RBM41: variants seen among roughly 807,000 people sequenced by gnomAD.
RBM41 encodes the protein RNA-binding protein 41.
A neutral mutation model predicts 30.8 loss-of-function variants in RBM41; 14 were observed. That is an observed-to-expected ratio of 0.45 (90% CI 0.30 to 0.71). The LOEUF is 0.71. RBM41 is among the 30% of genes least tolerant of loss of function. The pLI is 0.08. For synonymous variants in RBM41, 120 were observed against 110.1 expected, an observed-to-expected ratio of 1.09 and a Z score of -0.56; for missense variants, 276 against 326.3, an observed-to-expected ratio of 0.85 and a Z score of 1.19.
At position 107,115,400 on chromosome X, in the gene RBM41, A is replaced by G; in HGVS notation, c.475T>C (p.Phe159Leu). Residue 159 changes from phenylalanine (F) to leucine (L), a missense_variant, in exon 4 of 8, where the codon TTT (phenylalanine) becomes CTT (leucine). Physicochemically the swap from Phe to Leu is conservative, Grantham distance 22. Coordinates refer to ENST00000685964, the MANE Select transcript of RBM41 (RefSeq NM_001324242.2). The part of the protein sequence containing the change: ...RREMEIEKSL[F>L]QGADRHSFLK... Reference sequence around the variant, plus strand: ...AAGGAGTGACGATCAGCTCCCTGAAATAAAGACTTTTCTATTTCCATTTCT... The same window carrying G: ...AAGGAGTGACGATCAGCTCCCTGAAGTAAAGACTTTTCTATTTCCATTTCT... The G allele has an allele frequency of 8.2e-7, 1 of 1,212,124 alleles. No individual in the cohort carries two copies. The highest frequency in any genetic ancestry group is 1.1e-6 in the Non-Finnish European group (1 of 895,589).
chrX:107,074,292 A>G (rs997157077), intron 6 of RBM41, among the ~76,000 whole-genome samples: 1 of 111,279 alleles, frequency 9.0e-6, no homozygotes, highest in African/African-American at 3.3e-5. Flanking sequence ...TAAATAAAAT[A>G]ATAAATCAAG....
chrX:107,112,709 G>A (rs1924585885), intron 5 of RBM41, among the ~76,000 whole-genome samples: 3 of 111,640 alleles, frequency 2.7e-5, no homozygotes. Flanking sequence ...CAAAATAAAT[G>A]AACTATTGAT....
At chrX:107,107,634 T>C (rs1006543090) in intron 5 of RBM41, among the ~76,000 whole-genome samples, 2 of 110,893 alleles carry the variant, frequency 1.8e-5, no homozygotes, top group East Asian at 2.8e-4. Flanking sequence ...ATTAGTCTGG[T>C]TGATTTGAGT....
chrX:107,056,764 C>CCACT, the RBM41 span, among the ~76,000 whole-genome samples: 1 of 108,953 alleles, frequency 9.2e-6, no homozygotes, highest in Non-Finnish European at 1.9e-5. Flanking sequence ...TTTTTCTTAA[C>CCACT]CACTATAGGT....
At position 107,064,427 on chromosome X, in the gene RBM41, A is replaced by C. The variant is rs1424870635; in HGVS notation, c.*3100T>G. 1 of 102,231 alleles carries C rather than the reference A, an allele frequency of 9.8e-6. No individual in the cohort carries two copies. The highest frequency in any genetic ancestry group is 3.6e-5 in the African/African-American group (1 of 27,493). 8.4% of individuals were successfully genotyped at this position (102,231 alleles called of 1,213,427 possible). Reference sequence around the variant, plus strand: ...ACATTTTTTTTTTTTTTTGGTAATGACAGGGTCTTGCTGTGTTGCCCAGGC... The same window carrying C: ...ACATTTTTTTTTTTTTTTGGTAATGCCAGGGTCTTGCTGTGTTGCCCAGGC... On this transcript the variant is annotated 3_prime_UTR_variant, in exon 8 of 8. Transcript: ENST00000685964.
At chrX:107,068,230 T>C (rs1447344533) in intron 7 of RBM41, among the ~76,000 whole-genome samples, 2 of 111,045 alleles carry the variant, frequency 1.8e-5, no homozygotes, top group Non-Finnish European at 3.8e-5. Context: ...ATTCAACTTA[T>C]GGGTCTAAGA....
intron 5 of RBM41, among the ~76,000 whole-genome samples, chrX:107,094,542 T>A (rs1237013910): frequency 1.8e-5 from 2 of 112,355 alleles, no homozygotes; most frequent in East Asian, 5.6e-4. Context: ...TCAACCTGCT[T>A]ATGGTAGGCT....
chrX:107,104,359 G>C (rs1923751347), intron 5 of RBM41, among the ~76,000 whole-genome samples: 1 of 111,134 alleles, frequency 9.0e-6, no homozygotes, highest in Non-Finnish European at 1.9e-5. Flanking sequence ...AGATAGATTT[G>C]TGATAAGGCA....
chrX:107,079,096 G>T (rs938917948), intron 6 of RBM41, among the ~76,000 whole-genome samples: 1 of 111,442 alleles, frequency 9.0e-6, no homozygotes, highest in Admixed American at 9.5e-5. Context: ...AGGATGCTGT[G>T]CAAGCTCATT....
At chrX:107,075,518 T>C (rs936284320) in intron 6 of RBM41, among the ~76,000 whole-genome samples, 4 of 111,858 alleles carry the variant, frequency 3.6e-5, no homozygotes, top group African/African-American at 1.3e-4. Context: ...ATCTAAAATA[T>C]ATAAGGAACT....
intron 6 of RBM41, among the ~76,000 whole-genome samples, chrX:107,081,639 A>G (rs1463775393): frequency 1.8e-5 from 2 of 112,395 alleles, no homozygotes; most frequent in Admixed American, 9.4e-5. Flanking sequence ...TTTCAATCCA[A>G]GAACACAAAA....
intron 5 of RBM41, among the ~76,000 whole-genome samples, chrX:107,091,027 T>A (rs1602583145): frequency 9.1e-6 from 1 of 110,164 alleles, no homozygotes; most frequent in East Asian, 2.8e-4. Flanking sequence ...TTCTCATTGT[T>A]CAACTCCCAC....
In RBM41 at chrX:107,069,298, C is replaced by T; in HGVS notation, c.1104G>A (p.Met368Ile). 1 of 1,210,141 alleles carries T rather than the reference C, an allele frequency of 8.3e-7. No individual in the cohort carries two copies. The highest frequency in any genetic ancestry group is 1.1e-6 in the Non-Finnish European group (1 of 894,964). The change falls in exon 7 of 8, where the codon ATG becomes ATA. Residue 368 changes from methionine to isoleucine, a missense_variant. Physicochemically the swap from Met to Ile is conservative, Grantham distance 10. Coordinates refer to ENST00000685964, the MANE Select transcript of RBM41 (RefSeq NM_001324242.2). ...EKKGPPIQFR[M>I]MTGRMRGQAF... Reference sequence around the variant, plus strand: ...CCTGGCCCCTCATTCGTCCAGTCATCATTCGGAATTGAATTGGAGGTCCTT... The same window carrying T: ...CCTGGCCCCTCATTCGTCCAGTCATTATTCGGAATTGAATTGGAGGTCCTT...
rs749711213 is a variant in RBM41 at position 107,067,495 on chromosome X, A to G, written c.*32T>C. ...TAGATCCAAGATTCCAATTCAAGAA[A>G]GACCATCCAGGACCCACAATTTATA... On this transcript the variant is annotated 3_prime_UTR_variant, in exon 8 of 8. Coordinates refer to ENST00000685964, the MANE Select transcript of RBM41 (RefSeq NM_001324242.2). 8.8e-7 allele frequency: 1 copy of G among 1,138,155 alleles called. No individual in the cohort carries two copies. Among genetic ancestry groups the G allele is most frequent in the Non-Finnish European group, 1.2e-6 (1 of 855,579 alleles). 93.8% of individuals were successfully genotyped at this position (1,138,155 alleles called of 1,213,427 possible).
rs751173330 is a variant in RBM41 at position 107,105,490 on chromosome X, A to C, written c.595+7907T>G. Among the ~76,000 whole-genome samples, 1,043 of 108,665 alleles carry C rather than the reference A, an allele frequency of 9.6e-3. 12 individuals carry two copies. The South Asian group carries it at 0.1, about 10-fold the overall frequency. 94.4% of individuals were successfully genotyped at this position (108,665 alleles called of 115,157 possible). ...TGCCATCCCCATCAAGCTACCAATG[A>C]CTTTCTTCACAGAATTGGAAAAAAC... On this transcript the variant is annotated intron_variant, in intron 5 of 7. Transcript: ENST00000685964.
chrX:107,082,815 T>TAC (rs35804917), intron 6 of RBM41, among the ~76,000 whole-genome samples: 10 of 111,075 alleles, frequency 9.0e-5, no homozygotes, highest in African/African-American at 3.3e-4. Context: ...AATTTGTATT[T>TAC]ATATATATAC....
At chrX:107,100,503 A>G (rs774043280) in intron 5 of RBM41, among the ~76,000 whole-genome samples, 316 of 106,507 alleles carry the variant, frequency 3.0e-3, no homozygotes, top group African/African-American at 0.011. Flanking sequence ...AAAAAAAAAA[A>G]GAAAAAAAAA....
rs148325382 is a variant in RBM41, at chrX:107,081,907, T to A, written c.999+6529A>T. On this transcript the variant is annotated intron_variant, in intron 6 of 7. Transcript: ENST00000685964. Reference sequence around the variant, plus strand: ...TAGTCCCAAGAGTTGTTTGTTAGTTTGTTTTTTGGCTGATTCTTTGGGATT... The same window carrying A: ...TAGTCCCAAGAGTTGTTTGTTAGTTAGTTTTTTGGCTGATTCTTTGGGATT... Among the ~76,000 whole-genome samples, 761 of 112,172 alleles carry A rather than the reference T, an allele frequency of 6.8e-3. 5 individuals are homozygous for A. Among genetic ancestry groups the A allele is most frequent in the African/African-American group, 0.024 (740 of 30,951 alleles).
chrX:107,111,351 T>A (rs1924454703), intron 5 of RBM41, among the ~76,000 whole-genome samples: 2 of 111,309 alleles, frequency 1.8e-5, no homozygotes, highest in Admixed American at 9.5e-5. Context: ...TAACATTTCA[T>A]ACCCATTAGG....
Sources: allele counts gnomAD v4.1 joint callset (sites outside exome capture counted in the v4.1 genomes callset), GRCh38; gene constraint gnomAD v4.1.1; transcripts MANE v1.5; gene names NCBI Gene and HGNC (gene_info 2026-07-23, HGNC 2026-07-21).